The following IMMP2L variants were observed in gnomAD, a reference collection of about 807,000 sequenced individuals.
IMMP2L encodes the protein inner mitochondrial membrane peptidase subunit 2, also known as mitochondrial inner membrane protease subunit 2.
In IMMP2L, 18 loss-of-function variants were observed where a neutral mutation model predicts 19.3. The observed-to-expected ratio is 0.93, with a 90% CI of 0.64 to 1.38. The LOEUF is 1.38. IMMP2L is among the 40% of genes most tolerant of loss of function. The probability of loss-of-function intolerance (pLI) is 0.00; values close to 1 mark genes in which losing one functional copy is unlikely to be tolerated. For synonymous variants in IMMP2L, 76 were observed against 73.0 expected, an observed-to-expected ratio of 1.04 and a Z score of -0.21; for missense variants, 233 against 218.2, an observed-to-expected ratio of 1.07 and a Z score of -0.43.
intron 3 of IMMP2L, among the ~76,000 whole-genome samples, chr7:111,237,120 T>C (rs1482785995): frequency 2.6e-5 from 4 of 152,144 alleles, no homozygotes; most frequent in Admixed American, 6.6e-5. Flanking sequence ...AACTTAAATA[T>C]CCTAGTTGAT....
At chr7:111,440,376 C>G (rs1334640461) in intron 3 of IMMP2L, among the ~76,000 whole-genome samples, 1 of 151,896 alleles carries the variant, frequency 6.6e-6, no homozygotes, top group African/African-American at 2.4e-5. Context: ...GATCCTTGAG[C>G]AACAGGATGG....
chr7:110,729,043 C>T (rs1796080974), intron 5 of IMMP2L, among the ~76,000 whole-genome samples: 2 of 135,796 alleles, frequency 1.5e-5, no homozygotes, highest in African/African-American at 4.9e-5. Context: ...TGCCACTATG[C>T]CTGGCTAATT....
intron 3 of IMMP2L, among the ~76,000 whole-genome samples, chr7:111,327,516 C>T (rs371424674): frequency 6.6e-6 from 1 of 151,668 alleles, no homozygotes; most frequent in African/African-American, 2.4e-5. Flanking sequence ...CATCCATGTA[C>T]TTCTTACACT....
At chr7:111,550,605 A>G (rs1216063868) in intron 1 of IMMP2L, among the ~76,000 whole-genome samples, 1 of 152,138 alleles carries the variant, frequency 6.6e-6, no homozygotes, top group African/African-American at 2.4e-5. Context: ...CTGTGAACCA[A>G]AAGACCCTAA....
rs117723496 is a variant in IMMP2L at position 111,067,952 on chromosome 7, A to T, written c.240-104387T>A. The stretch of plus-strand genomic sequence containing the variant: ...GGATGTGGGGAGAAGTATGAAAGAT[A>T]TAAAATCCTTCAAAGAAGACTTAAC... On this transcript the variant is annotated intron_variant, in intron 3 of 5. Transcript: ENST00000405709. Among the ~76,000 whole-genome samples, 646 of 152,346 alleles carry T rather than the reference A, an allele frequency of 4.2e-3. 31 individuals are homozygous for T. In the East Asian group the frequency reaches 0.084, roughly 20 times the overall value.
chr7:111,283,767 C>G (rs975233469), intron 3 of IMMP2L, among the ~76,000 whole-genome samples: 1 of 151,464 alleles, frequency 6.6e-6, no homozygotes, highest in Admixed American at 6.6e-5. Flanking sequence ...GTCAGGAGAT[C>G]GAGACCATCC....
chr7:110,846,480 C>T (rs1805687851), intron 5 of IMMP2L, among the ~76,000 whole-genome samples: 1 of 151,180 alleles, frequency 6.6e-6, no homozygotes, highest in Non-Finnish European at 1.5e-5. Context: ...ATTCTCCTGT[C>T]TTAGCCTCCC....
intron 4 of IMMP2L, among the ~76,000 whole-genome samples, chr7:110,958,729 G>C (rs1277075710): frequency 1.3e-5 from 2 of 152,046 alleles, no homozygotes; most frequent in East Asian, 3.9e-4. Context: ...TGGTTGACCA[G>C]CTGTCTGTCA....
intron 3 of IMMP2L, among the ~76,000 whole-genome samples, chr7:111,049,332 T>C (rs1022462592): frequency 3.3e-5 from 5 of 151,822 alleles, no homozygotes; most frequent in African/African-American, 1.2e-4. Context: ...GGGGTTTCAC[T>C]GTGTTATCCA....
chr7:111,294,703 T>G (rs1403493206), intron 3 of IMMP2L, among the ~76,000 whole-genome samples: 1 of 151,926 alleles, frequency 6.6e-6, no homozygotes, highest in Admixed American at 6.6e-5. Context: ...TTGCTGATAC[T>G]GTGAAATAAT....
At chr7:111,467,443 T>G (rs1306915258) in intron 3 of IMMP2L, among the ~76,000 whole-genome samples, 1 of 152,150 alleles carries the variant, frequency 6.6e-6, no homozygotes, top group East Asian at 1.9e-4. Flanking sequence ...TTTGGCTTCT[T>G]TTCTCCTACT....
intron 3 of IMMP2L, among the ~76,000 whole-genome samples, chr7:111,386,066 C>G (rs1348049558): frequency 1.3e-5 from 2 of 151,292 alleles, no homozygotes; most frequent in Admixed American, 6.6e-5. Flanking sequence ...TTTTAAGAAA[C>G]AGGGTCTCGC....
At position 110,827,389 on chromosome 7, in the gene IMMP2L, T is replaced by C. The variant is rs547082930; in HGVS notation, c.408+59204A>G. Among the ~76,000 whole-genome samples the C allele has an allele frequency of 1.4e-4, 22 of 152,284 alleles. No homozygotes were observed. In the South Asian group the frequency reaches 3.3e-3, roughly 23 times the overall value. On this transcript the variant is annotated intron_variant, in intron 5 of 5. Coordinates refer to ENST00000405709, the MANE Select transcript of IMMP2L (RefSeq NM_032549.4). ...CCACAGAGTTCTTTTTAGTGAGATT[T>C]CACAATGGTCCTTGCTTTGCCCTCT...
chr7:111,438,327 A>G (rs538341871), intron 3 of IMMP2L, among the ~76,000 whole-genome samples: 1 of 151,792 alleles, frequency 6.6e-6, no homozygotes. Flanking sequence ...TAAACATCTA[A>G]AATTATAGAA....
intron 3 of IMMP2L, chr7:111,124,564 A>ATAT: frequency 1.2e-6 from 2 of 1,613,752 alleles, no homozygotes; most frequent in South Asian, 2.2e-5. Flanking sequence ...TATTCCCACC[A>ATAT]TCTATCAGAA....
At chr7:111,278,093 G>C (rs1478821282) in intron 3 of IMMP2L, among the ~76,000 whole-genome samples, 1 of 152,000 alleles carries the variant, frequency 6.6e-6, no homozygotes, top group East Asian at 1.9e-4. Flanking sequence ...ATGGGAGAGG[G>C]GTGAGGGCTA....
intron 3 of IMMP2L, among the ~76,000 whole-genome samples, chr7:111,210,615 T>C (rs962193245): frequency 6.6e-6 from 1 of 152,102 alleles, no homozygotes; most frequent in Non-Finnish European, 1.5e-5. Flanking sequence ...TTTCCTTTTC[T>C]AGTTTTACTA....
At chr7:110,913,451 T>C (rs75537235) in intron 4 of IMMP2L, among the ~76,000 whole-genome samples, 3,766 of 149,674 alleles carry the variant, frequency 0.025, 157 homozygotes, top group African/African-American at 0.087. Context: ...TACAACTCAA[T>C]AGCAAAAAAA....
intron 3 of IMMP2L, among the ~76,000 whole-genome samples, chr7:111,452,569 A>C (rs1032382211): frequency 1.1e-4 from 16 of 152,160 alleles, no homozygotes; most frequent in Non-Finnish European, 1.9e-4. Flanking sequence ...AAAGAAATTA[A>C]AGGACAAAGA....
Sources: allele counts gnomAD v4.1 joint callset (sites outside exome capture counted in the v4.1 genomes callset), GRCh38; gene constraint gnomAD v4.1.1; transcripts MANE v1.5; gene names NCBI Gene and HGNC (gene_info 2026-07-23, HGNC 2026-07-21).